Variants in DCPS observed in about 807,000 individuals in gnomAD.
DCPS encodes the protein m7GpppX diphosphatase.
DCPS carries 27 observed loss-of-function variants against 34.7 expected under a neutral mutation model. The observed-to-expected ratio is 0.78, with a 90% CI of 0.57 to 1.07. The LOEUF is 1.07. DCPS is among the 50% of genes least tolerant of loss of function. DCPS has a pLI of 0.00. For synonymous variants in DCPS, 185 were observed against 185.7 expected (o/e 1.00, Z 0.03); for missense variants, 464 against 436.9 (o/e 1.06, Z -0.55).
Position 126,310,626 on chromosome 11 carries a change from G to A in DCPS, c.376+3882G>A, listed in dbSNP as rs184646459. 4.3e-3 allele frequency among the ~76,000 whole-genome samples: 651 copies of A among 152,342 alleles called. 2 individuals are homozygous for A. The highest frequency in any genetic ancestry group is 0.014 in the Middle Eastern group (4 of 294). On this transcript the variant is annotated intron_variant, in intron 2 of 5. Transcript: ENST00000263579. ...AATGAACCCACAAACTGACCTATGT[G>A]TAGATTTGTTTTCCTGTGGGCTGGG...
rs149281466 is a variant in DCPS at position 126,314,175 on chromosome 11, C to T, written c.376+7431C>T. Among the ~76,000 whole-genome samples, 491 of 152,318 alleles carry T rather than the reference C, an allele frequency of 3.2e-3. 2 individuals carry two copies. Among genetic ancestry groups the T allele is most frequent in the Middle Eastern group, 0.014 (4 of 294 alleles). ...GTATGTCCTCAACGTTTAGCTCCCA[C>T]GTATAAGTAAGAACACACATATTTG... On this transcript the variant is annotated intron_variant, in intron 2 of 5. Transcript: ENST00000263579.
intron 1 of DCPS, among the ~76,000 whole-genome samples, chr11:126,305,152 AC>A (rs1457106780): frequency 2.6e-5 from 4 of 152,036 alleles, no homozygotes; most frequent in African/African-American, 9.7e-5. Flanking sequence ...CCTCTCTGTC[AC>A]CCAGGCTAGA....
chr11:126,304,949 C>A (rs1217548737), intron 1 of DCPS, among the ~76,000 whole-genome samples: 1 of 152,074 alleles, frequency 6.6e-6, no homozygotes, highest in Non-Finnish European at 1.5e-5. Context: ...CTAGCCAGAG[C>A]AGATATGGGG....
At chr11:126,326,902 G>A (rs1421462004) in intron 2 of DCPS, among the ~76,000 whole-genome samples, 7 of 149,436 alleles carry the variant, frequency 4.7e-5, no homozygotes, top group East Asian at 2.0e-4. Flanking sequence ...CAGCCTGGGC[G>A]ACAGAGCGAG....
intron 1 of DCPS, among the ~76,000 whole-genome samples, chr11:126,305,557 A>T (rs1951557307): frequency 6.8e-6 from 1 of 147,424 alleles, no homozygotes; most frequent in Non-Finnish European, 1.5e-5. Context: ...AGTAGCTGGG[A>T]TTACAGGCAT....
rs1225981454 is a variant in DCPS, at chr11:126,344,981, A to G, written c.748-366A>G. 6.6e-6 allele frequency among the ~76,000 whole-genome samples: 1 copy of G among 152,206 alleles called. No homozygotes were observed. Among genetic ancestry groups the G allele is most frequent in the East Asian group, 1.9e-4 (1 of 5,190 alleles). On this transcript the variant is annotated intron_variant, in intron 5 of 5. Coordinates refer to ENST00000263579, the MANE Select transcript of DCPS (RefSeq NM_014026.6). This position sits in a 1 kb window ranked among gnomAD's most constrained non-coding sequence, Gnocchi z 8.1. ...CTGATGAAATGCTTCTAAATCATGA[A>G]AGTCCCCATAGTCTTGGGAATCTGG...
At chr11:126,339,090 C>T (rs543746190) in intron 4 of DCPS, among the ~76,000 whole-genome samples, 1 of 152,308 alleles carries the variant, frequency 6.6e-6, no homozygotes, top group South Asian at 2.1e-4. Flanking sequence ...AGCTTTTATA[C>T]CCTGACAGGG....
intron 2 of DCPS, among the ~76,000 whole-genome samples, chr11:126,324,368 A>G (rs552298487): frequency 4.6e-4 from 70 of 152,204 alleles, no homozygotes; most frequent in African/African-American, 1.7e-3. Flanking sequence ...AATTGGATTT[A>G]TAATAATAAT....
At chr11:126,330,169 A>C (rs149566436) in intron 2 of DCPS, among the ~76,000 whole-genome samples, 173 of 151,292 alleles carry the variant, frequency 1.1e-3, no homozygotes, top group African/African-American at 3.7e-3. Flanking sequence ...TGTGCTTCTC[A>C]CCTGGGGACA....
rs367619787 is a variant in DCPS at position 126,339,349 on chromosome 11, ACT to A, written c.636+953_636+954del. On this transcript the variant is annotated intron_variant, in intron 4 of 5. Transcript: ENST00000263579. ...TCTGCACCCGTCAAAGGCTGGAGAG[ACT>A]CTTGTAGAGAAGGTGCCTTGGAGTG... Among the ~76,000 whole-genome samples the A allele has an allele frequency of 2.2e-3, 329 of 151,814 alleles. 1 individual carries two copies. The highest frequency in any genetic ancestry group is 7.3e-3 in the African/African-American group (304 of 41,390).
chr11:126,306,240 G>A (rs1171743984), intron 1 of DCPS, among the ~76,000 whole-genome samples: 1 of 152,106 alleles, frequency 6.6e-6, no homozygotes, highest in Non-Finnish European at 1.5e-5. Context: ...AGATGTGGTG[G>A]CATGCGCCTG....
Position 126,331,406 on chromosome 11 carries a change from T to C in DCPS, c.378T>C (p.Asp126=), listed in dbSNP as rs770179335. ...ACGGGCTGTGCTGTATCATTGCAGA[T>C]GTAAAGACGACCGTGGTTTACCCTG... ...YHLFPPRQLN[D]VKTTVVYPAT... Residue 126 remains aspartate, a splice_region_variant and synonymous_variant, in exon 3 of 6, where the codon GAT becomes GAC. Transcript: ENST00000263579. The surrounding 1 kb of genome is among the most constrained non-coding windows in gnomAD (Gnocchi z 7.2). 2.5e-6 allele frequency: 4 copies of C among 1,614,036 alleles called. No individual in the cohort carries two copies. Among genetic ancestry groups the C allele is most frequent in the East Asian group, 2.2e-5 (1 of 44,872 alleles).
chr11:126,312,479 C>T lies in DCPS; in HGVS notation c.376+5735C>T, dbSNP rs556010193. Among the ~76,000 whole-genome samples the T allele has an allele frequency of 6.6e-6, 1 of 152,032 alleles. No individual in the cohort carries two copies. Among genetic ancestry groups the T allele is most frequent in the Non-Finnish European group, 1.5e-5 (1 of 68,012 alleles). ...TCAGCCTCCTGAGTAGCTGGGACTA[C>T]AGGCACCCGCCACCACACCCAGCTA... On this transcript the variant is annotated intron_variant, in intron 2 of 5. Transcript: ENST00000263579. The surrounding 1 kb of genome is among the most constrained non-coding windows in gnomAD (Gnocchi z 5.1).
Position 126,329,141 on chromosome 11 carries a change from C to T in DCPS, c.377-2264C>T, listed in dbSNP as rs1951762994. Among the ~76,000 whole-genome samples, 1 of 152,186 alleles carries T rather than the reference C, an allele frequency of 6.6e-6. No homozygotes were observed. Among genetic ancestry groups the T allele is most frequent in the African/African-American group, 2.4e-5 (1 of 41,452 alleles). ...CAAGCAGTCTCCCGCCTCTTGAGAT[C>T]TTGGTGTGCCTGACCTCTGACCTCT... On this transcript the variant is annotated intron_variant, in intron 2 of 5. Transcript: ENST00000263579. This position sits in a 1 kb window ranked among gnomAD's most constrained non-coding sequence, Gnocchi z 5.0.
intron 2 of DCPS, among the ~76,000 whole-genome samples, chr11:126,330,924 T>C (rs664000): frequency 0.24 from 36,725 of 150,590 alleles, 4,499 homozygotes; most frequent in Admixed American, 0.26. Context: ...TTAGTAGAGA[T>C]GGGGTTTCTC....
chr11:126,335,994 G>T lies in DCPS; in HGVS notation c.523-2292G>T, dbSNP rs1374696396. ...ATAAAAATTAGTCGGGTGTGGTGGT[G>T]GGCACCTATAATCCCAGCTACTGAG... On this transcript the variant is annotated intron_variant, in intron 3 of 5. Coordinates refer to ENST00000263579, the MANE Select transcript of DCPS (RefSeq NM_014026.6). The surrounding 1 kb of genome is among the most constrained non-coding windows in gnomAD (Gnocchi z 4.8). Among the ~76,000 whole-genome samples, 1 of 151,616 alleles carries T rather than the reference G, an allele frequency of 6.6e-6. No individual in the cohort carries two copies. Among genetic ancestry groups the T allele is most frequent in the Non-Finnish European group, 1.5e-5 (1 of 67,918 alleles).
At chr11:126,330,317 GCAACAGAATTATCCAGGC>G (rs1245907415) in intron 2 of DCPS, among the ~76,000 whole-genome samples, 3 of 152,150 alleles carry the variant, frequency 2.0e-5, no homozygotes, top group Admixed American at 6.5e-5. Flanking sequence ...GACAGCCCCT[GCAACAGAATTATCCAGGC>G]CAAAATGTCA....
rs756629043 is a variant in DCPS at position 126,329,414 on chromosome 11, C to G, written c.377-1991C>G. Among the ~76,000 whole-genome samples, 1 of 152,212 alleles carries G rather than the reference C, an allele frequency of 6.6e-6. No individual in the cohort carries two copies. Among genetic ancestry groups the G allele is most frequent in the Non-Finnish European group, 1.5e-5 (1 of 68,042 alleles). On this transcript the variant is annotated intron_variant, in intron 2 of 5. Transcript: ENST00000263579. This position sits in a 1 kb window ranked among gnomAD's most constrained non-coding sequence, Gnocchi z 5.0. Reference sequence around the variant, plus strand: ...TTTAATAGGTGAGGAAGCCAAGGCTCTAAGACGTTAAGCCCCATGCCCAAG... The same window carrying G: ...TTTAATAGGTGAGGAAGCCAAGGCTGTAAGACGTTAAGCCCCATGCCCAAG...
rs942464953 is a variant in DCPS at position 126,347,515 on chromosome 11, C to T, written c.*1902C>T. Reference sequence around the variant, plus strand: ...CTGGGATTCCAGGCGTGAGCCACCGCGCCCAGCCCCTGCAATACGTCAACA... The same window carrying T: ...CTGGGATTCCAGGCGTGAGCCACCGTGCCCAGCCCCTGCAATACGTCAACA... On this transcript the variant is annotated 3_prime_UTR_variant, in exon 6 of 6. Coordinates refer to ENST00000263579, the MANE Select transcript of DCPS (RefSeq NM_014026.6). This position sits in a 1 kb window ranked among gnomAD's most constrained non-coding sequence, Gnocchi z 4.2. Among the ~76,000 whole-genome samples the T allele has an allele frequency of 4.6e-5, 7 of 152,200 alleles. No homozygotes were observed. Among genetic ancestry groups the T allele is most frequent in the East Asian group, 3.9e-4 (2 of 5,176 alleles).
Sources: allele counts gnomAD v4.1 joint callset (sites outside exome capture counted in the v4.1 genomes callset), GRCh38; gene constraint gnomAD v4.1.1; non-coding constraint Gnocchi (gnomAD v3.1); transcripts MANE v1.5; gene names NCBI Gene and HGNC (gene_info 2026-07-23, HGNC 2026-07-21).